LRRC8D: variants seen among roughly 807,000 people sequenced by gnomAD.
LRRC8D encodes leucine rich repeat containing 8 VRAC subunit D.
LRRC8D carries 20 observed loss-of-function variants against 55.8 expected under a neutral mutation model. The ratio of observed to expected loss-of-function variants is 0.36; its 90% CI spans 0.25 to 0.52. The LOEUF (loss-of-function observed/expected upper bound fraction) is 0.52, where lower values mean the gene tolerates loss of function less well. Ranked by LOEUF, LRRC8D falls within the 20% of genes least tolerant of loss-of-function variation. The pLI, the probability that LRRC8D is intolerant of heterozygous loss-of-function variation, is 0.93. For missense variants in LRRC8D, 651 were observed against 1,030.8 expected (o/e 0.63, Z 5.05); for synonymous variants, 352 against 377.0 (o/e 0.93, Z 0.77).
chr1:89,843,599 A>G, intron 1 of LRRC8D, 39 bp from the exon 2 acceptor site: 2 of 687,196 alleles, frequency 2.9e-6, no homozygotes, highest in East Asian at 2.8e-5. Flanking sequence ...CGACACTTGG[A>G]TCTCTCTAGC....
intron 1 of LRRC8D, among the ~76,000 whole-genome samples, chr1:89,839,932 A>G (rs918405346): frequency 6.6e-6 from 1 of 152,258 alleles, no homozygotes; most frequent in Non-Finnish European, 1.5e-5. Flanking sequence ...ATGAAGAAAG[A>G]TAAGCAGCAT....
chr1:89,838,252 G>A (rs1661048806), intron 1 of LRRC8D, among the ~76,000 whole-genome samples: 1 of 151,744 alleles, frequency 6.6e-6, no homozygotes, highest in African/African-American at 2.4e-5. Flanking sequence ...GCGAGCTCCT[G>A]TAGTCCCAGC....
At chr1:89,902,541 CTT>C (rs935184892) in intron 2 of LRRC8D, among the ~76,000 whole-genome samples, 3 of 145,202 alleles carry the variant, frequency 2.1e-5, no homozygotes. Flanking sequence ...TTCTTTTTTT[CTT>C]TTTTTTTTTT....
intron 1 of LRRC8D, chr1:89,833,716 GTGAGC>G (rs1660938549): frequency 6.6e-6 from 1 of 152,212 alleles, no homozygotes; most frequent in African/African-American, 2.4e-5. Context: ...GTGTCAGGCA[GTGAGC>G]TGACCAGCAA....
At chr1:89,825,342 C>T (rs898187598) in intron 1 of LRRC8D, among the ~76,000 whole-genome samples, 1 of 152,176 alleles carries the variant, frequency 6.6e-6, no homozygotes, top group Non-Finnish European at 1.5e-5. Context: ...AATGTTTGCA[C>T]CTGGGGTACC....
At chr1:89,907,492 T>C (rs1663027357) in intron 2 of LRRC8D, among the ~76,000 whole-genome samples, 1 of 152,050 alleles carries the variant, frequency 6.6e-6, no homozygotes, top group South Asian at 2.1e-4. Context: ...GTCCGGCCAG[T>C]CAGTTGTTTT....
In LRRC8D at chr1:89,935,376, CA is replaced by C. The variant is rs1266672258; in HGVS notation, c.2310del (p.Gln770HisfsTer6). 6.2e-7 allele frequency: 1 copy of C among 1,614,222 alleles called. No individual in the cohort carries two copies. Among genetic ancestry groups the C allele is most frequent in the Admixed American group, 1.7e-5 (1 of 60,024 alleles). ...TGNKVDILPKQLFKCIKLRTL... is the reference protein window; with the variant it reads ...TGNKVDILPKXLFKCIKLRTL... ...GAACAAAGTGGACATTCTGCCAAAA[CA>C]ATTGTTTAAATGCATAAAGTTGAGG... On this transcript the variant is annotated frameshift_variant, in exon 3 of 3. Coordinates refer to ENST00000337338, the MANE Select transcript of LRRC8D (RefSeq NM_001134479.2). LOFTEE classifies it high-confidence loss of function.
Position 89,920,592 on chromosome 1 carries a change from G to A in LRRC8D, c.-2-12475G>A, listed in dbSNP as rs188005298. On this transcript the variant is annotated intron_variant, in intron 2 of 2. Coordinates refer to ENST00000337338, the MANE Select transcript of LRRC8D (RefSeq NM_001134479.2). ...AGAGGGAGTGACACCAGTGACTTACGTTTCGTTTCTATATAGAATTATATC... is the reference window on the plus strand; with the variant it reads ...AGAGGGAGTGACACCAGTGACTTACATTTCGTTTCTATATAGAATTATATC... 3.0e-3 allele frequency among the ~76,000 whole-genome samples: 443 copies of A among 148,268 alleles called. 1 individual carries two copies. Among genetic ancestry groups the A allele is most frequent in the African/African-American group, 1.0e-2 (402 of 40,258 alleles).
chr1:89,826,726 T>C (rs1204210654), intron 1 of LRRC8D, among the ~76,000 whole-genome samples: 1 of 152,182 alleles, frequency 6.6e-6, no homozygotes, highest in Non-Finnish European at 1.5e-5. Context: ...GTGGGGTCCC[T>C]CGGGTCTTAT....
At chr1:89,920,646 T>C (rs1663389860) in intron 2 of LRRC8D, among the ~76,000 whole-genome samples, 1 of 148,336 alleles carries the variant, frequency 6.7e-6, no homozygotes. Context: ...ATACTTGTAA[T>C]ACCCATAACT....
intron 2 of LRRC8D, among the ~76,000 whole-genome samples, chr1:89,899,272 G>T (rs1662789554): frequency 6.6e-6 from 1 of 152,240 alleles, no homozygotes; most frequent in Admixed American, 6.5e-5. Context: ...AGAGGCTCAA[G>T]TGTGCCAGAG....
intron 2 of LRRC8D, among the ~76,000 whole-genome samples, chr1:89,845,046 A>G (rs1422243091): frequency 6.6e-6 from 1 of 152,366 alleles, no homozygotes; most frequent in South Asian, 2.1e-4. Flanking sequence ...TGTGTAGCAC[A>G]GTATCACATA....
chr1:89,842,955 C>T (rs1661171732), intron 1 of LRRC8D: 1 of 152,122 alleles, frequency 6.6e-6, no homozygotes, highest in South Asian at 2.1e-4. Flanking sequence ...GAGTAGAGAC[C>T]CTAGGAGGAA....
At position 89,933,755 on chromosome 1, in the gene LRRC8D, A is replaced by C; in HGVS notation, c.687A>C (p.Thr229=). The change falls in exon 3 of 3, where the codon ACA becomes ACC. Residue 229 remains threonine, a synonymous_variant. Coordinates refer to ENST00000337338, the MANE Select transcript of LRRC8D (RefSeq NM_001134479.2). The surrounding 1 kb of genome is among the most constrained non-coding windows in gnomAD (Gnocchi z 7.0). ...EDSEENKQRI[T]GAQTLPKHVS... ...CAGAGGAAAACAAGCAGAGAATAAC[A>C]GGTGCCCAGACTCTACCAAAGCATG... The C allele has an allele frequency of 6.2e-7, 1 of 1,614,190 alleles. No individual in the cohort carries two copies. The highest frequency in any genetic ancestry group is 8.5e-7 in the Non-Finnish European group (1 of 1,180,014).
intron 2 of LRRC8D, among the ~76,000 whole-genome samples, chr1:89,894,908 T>C (rs952001696): frequency 6.6e-6 from 1 of 152,196 alleles, no homozygotes. Context: ...TGTTGAAAGT[T>C]CTGAGTGCTT....
At chr1:89,896,027 G>A (rs1394924825) in intron 2 of LRRC8D, among the ~76,000 whole-genome samples, 2 of 152,330 alleles carry the variant, frequency 1.3e-5, no homozygotes, top group South Asian at 2.1e-4. Flanking sequence ...TTAATATAAT[G>A]TAATGTCCAC....
intron 1 of LRRC8D, among the ~76,000 whole-genome samples, chr1:89,826,267 T>C (rs926912569): frequency 6.6e-6 from 1 of 151,990 alleles, no homozygotes; most frequent in Non-Finnish European, 1.5e-5. Flanking sequence ...TTTTATTTTA[T>C]TTTATTTTAT....
At chr1:89,830,727 C>A (rs577794330) in intron 1 of LRRC8D, among the ~76,000 whole-genome samples, 1 of 152,232 alleles carries the variant, frequency 6.6e-6, no homozygotes, top group South Asian at 2.1e-4. Context: ...AGCCAGAAAT[C>A]TGGATTATTG....
intron 2 of LRRC8D, among the ~76,000 whole-genome samples, chr1:89,915,731 C>T (rs942812753): frequency 6.6e-6 from 1 of 152,210 alleles, no homozygotes; most frequent in African/African-American, 2.4e-5. Context: ...ATGACCTCTA[C>T]AACCAAAATA....
Sources: allele counts gnomAD v4.1 joint callset (sites outside exome capture counted in the v4.1 genomes callset), GRCh38; gene constraint gnomAD v4.1.1; non-coding constraint Gnocchi (gnomAD v3.1); transcripts MANE v1.5; gene names NCBI Gene and HGNC (gene_info 2026-07-23, HGNC 2026-07-21).